FRMD4A: variants seen among roughly 807,000 people sequenced by gnomAD.
The protein encoded by FRMD4A is FERM domain containing 4A.
In FRMD4A, 29 loss-of-function variants were observed where a neutral mutation model predicts 129.1. That is an observed-to-expected ratio of 0.22 (90% CI 0.17 to 0.31). FRMD4A has a LOEUF of 0.31. FRMD4A is among the 10% of genes least tolerant of loss of function. The pLI, the probability that FRMD4A is intolerant of heterozygous loss-of-function variation, is 1.00. For synonymous variants in FRMD4A, 634 were observed against 571.6 expected, an observed-to-expected ratio of 1.11 and a Z score of -1.56; for missense variants, 1,272 against 1,375.8, an observed-to-expected ratio of 0.92 and a Z score of 1.19.
chr10:13,657,528 G>C lies in FRMD4A; in HGVS notation c.2067-6C>G. ...TGGGGCTGATGTCCACCGACCTGCC[G>C]GGAGACGACCCGGGTTGGTCTGGGG... On this transcript the variant is annotated splice_region_variant and splice_polypyrimidine_tract_variant and intron_variant, in intron 21 of 24. Transcript: ENST00000357447. 3 of 1,570,170 alleles carry C rather than the reference G, an allele frequency of 1.9e-6. No homozygotes were observed. The highest frequency in any genetic ancestry group is 2.6e-6 in the Non-Finnish European group (3 of 1,160,446).
intron 19 of FRMD4A, among the ~76,000 whole-genome samples, chr10:13,660,894 G>C (rs2082590154): frequency 6.6e-6 from 1 of 152,202 alleles, no homozygotes; most frequent in South Asian, 2.1e-4. Flanking sequence ...TACTGCTGTA[G>C]TGCTAAGTTG....
intron 2 of FRMD4A, among the ~76,000 whole-genome samples, chr10:14,204,940 G>T (rs958097501): frequency 6.6e-6 from 1 of 152,126 alleles, no homozygotes; most frequent in Admixed American, 6.5e-5. Context: ...AACAGAGCCC[G>T]GAGAGCCACA....
intron 2 of FRMD4A, among the ~76,000 whole-genome samples, chr10:13,868,972 C>A (rs896192240): frequency 6.6e-6 from 1 of 152,174 alleles, no homozygotes; most frequent in Non-Finnish European, 1.5e-5. Context: ...TTCTTCAAAG[C>A]TCAACCCTCT....
intron 3 of FRMD4A, among the ~76,000 whole-genome samples, chr10:13,830,684 G>A (rs1192438344): frequency 6.6e-6 from 1 of 152,206 alleles, no homozygotes; most frequent in Non-Finnish European, 1.5e-5. Flanking sequence ...AAAGCAAAGC[G>A]GGAGGTGTAG....
chr10:14,330,257 A>C (rs1843464586), intron 1 of FRMD4A, 74 bp from the exon 2 acceptor site: 2 of 674,262 alleles, frequency 3.0e-6, no homozygotes, highest in African/African-American at 3.5e-5. Context: ...CCTTTCACAC[A>C]GGGTGGGGAG....
chr10:14,176,202 G>A (rs1841719778), intron 2 of FRMD4A, among the ~76,000 whole-genome samples: 1 of 152,134 alleles, frequency 6.6e-6, no homozygotes, highest in Non-Finnish European at 1.5e-5. Context: ...CTTGTTCCAA[G>A]GCCCTATATT....
Position 13,743,859 on chromosome 10 carries a change from G to A in FRMD4A, c.549-3282C>T, listed in dbSNP as rs78356520. 3.4e-3 allele frequency among the ~76,000 whole-genome samples: 517 copies of A among 152,112 alleles called. 2 individuals carry two copies. Among genetic ancestry groups the A allele is most frequent in the African/African-American group, 0.012 (480 of 41,494 alleles). On this transcript the variant is annotated intron_variant, in intron 9 of 24. Coordinates refer to ENST00000357447, the MANE Select transcript of FRMD4A (RefSeq NM_018027.5). ...ACCTCTGCTCTGGAACTTGCCAGAGGGCTGAAGTGCTCTGAGCTTTGCAGA... is the reference window on the plus strand; with the variant it reads ...ACCTCTGCTCTGGAACTTGCCAGAGAGCTGAAGTGCTCTGAGCTTTGCAGA...
chr10:13,689,725 G>A (rs1479406968), intron 15 of FRMD4A, among the ~76,000 whole-genome samples: 1 of 147,164 alleles, frequency 6.8e-6, no homozygotes, highest in African/African-American at 2.6e-5. Context: ...GCTATATTAA[G>A]AAGATTTTTT....
chr10:14,246,648 C>T (rs1486652546), intron 2 of FRMD4A, among the ~76,000 whole-genome samples: 1 of 152,216 alleles, frequency 6.6e-6, no homozygotes, highest in Non-Finnish European at 1.5e-5. Context: ...GCCACTGATA[C>T]AATAGTGAAC....
In FRMD4A at chr10:13,645,028, G is replaced by A. The variant is rs1335906060; in HGVS notation, c.*2010C>T. The A allele has an allele frequency of 6.6e-6, 1 of 152,228 alleles. No individual in the cohort carries two copies. Among genetic ancestry groups the A allele is most frequent in the Non-Finnish European group, 1.5e-5 (1 of 68,092 alleles). The allele number at this position is 152,228 out of a possible 1,614,324, so 9.4% of individuals were successfully genotyped here. On this transcript the variant is annotated 3_prime_UTR_variant, in exon 25 of 25. Coordinates refer to ENST00000357447, the MANE Select transcript of FRMD4A (RefSeq NM_018027.5). ...GGCCCTGAATTGTCTAGAGAGACTT[G>A]GTGGAGGAGGCCACGGCCCGCCTTG...
At chr10:14,104,694 A>G (rs1231153882) in intron 2 of FRMD4A, among the ~76,000 whole-genome samples, 1 of 152,226 alleles carries the variant, frequency 6.6e-6, no homozygotes, top group East Asian at 1.9e-4. Flanking sequence ...TGGCACTCAG[A>G]ATGCTGAGGT....
chr10:14,034,316 C>T (rs1047433326), intron 2 of FRMD4A, among the ~76,000 whole-genome samples: 3 of 152,124 alleles, frequency 2.0e-5, no homozygotes, highest in East Asian at 1.9e-4. Flanking sequence ...GGGCAGGTCT[C>T]GGGGTTCCGA....
At position 14,211,180 on chromosome 10, in the gene FRMD4A, C is replaced by T. The variant is rs567498599; in HGVS notation, c.45+118878G>A. On this transcript the variant is annotated intron_variant, in intron 2 of 24. Transcript: ENST00000357447. ...GTATAATGTTTGAGAATATAAACAA[C>T]ATTATTAGCTAATTTTTTTGAGAGC... Among the ~76,000 whole-genome samples the T allele has an allele frequency of 3.9e-5, 6 of 152,258 alleles. No individual in the cohort carries two copies. The South Asian group carries it at 8.3e-4, about 21-fold the overall frequency.
At chr10:13,671,468 A>AG (rs1488591423) in intron 16 of FRMD4A, among the ~76,000 whole-genome samples, 1 of 152,188 alleles carries the variant, frequency 6.6e-6, no homozygotes, top group Non-Finnish European at 1.5e-5. Context: ...GGAAAAAAAA[A>AG]GTTTAGTAGA....
chr10:14,104,146 G>A (rs923158773), intron 2 of FRMD4A, among the ~76,000 whole-genome samples: 8 of 151,756 alleles, frequency 5.3e-5, no homozygotes, highest in African/African-American at 1.5e-4. Flanking sequence ...TTGAGGTTAC[G>A]CTGCCATTGA....
At chr10:14,241,927 C>T (rs1844063048) in intron 2 of FRMD4A, among the ~76,000 whole-genome samples, 1 of 151,988 alleles carries the variant, frequency 6.6e-6, no homozygotes. Flanking sequence ...CTTCTGTTTT[C>T]CTAAGCTGTA....
chr10:14,027,410 G>C (rs532159572), intron 2 of FRMD4A, among the ~76,000 whole-genome samples: 55 of 152,332 alleles, frequency 3.6e-4, no homozygotes, highest in African/African-American at 1.2e-3. Context: ...GGAGGCCGAG[G>C]CGGGTGGACA....
intron 2 of FRMD4A, among the ~76,000 whole-genome samples, chr10:14,237,179 G>A (rs1843854193): frequency 6.6e-6 from 1 of 152,112 alleles, no homozygotes; most frequent in Admixed American, 6.5e-5. Flanking sequence ...TGAGGAGATA[G>A]AACCTGGAGT....
intron 2 of FRMD4A, among the ~76,000 whole-genome samples, chr10:14,149,273 T>G (rs553658901): frequency 6.6e-6 from 1 of 152,330 alleles, no homozygotes; most frequent in East Asian, 1.9e-4. Context: ...TTAGTTATAA[T>G]GGAGACACAG....
Sources: gnomAD v4.1 joint callset for allele counts (sites outside exome capture counted in the v4.1 genomes callset) on GRCh38, gnomAD v4.1.1 for gene constraint, MANE v1.5 for transcripts, NCBI Gene and HGNC (gene_info 2026-07-23, HGNC 2026-07-21) for gene names.